The following PIDD1 variants were observed in gnomAD, a reference collection of about 807,000 sequenced individuals.
PIDD1 encodes p53-induced death domain-containing protein 1.
A neutral mutation model predicts 80.0 loss-of-function variants in PIDD1; 72 were observed. The ratio of observed to expected loss-of-function variants is 0.90; its 90% CI spans 0.74 to 1.09. PIDD1 has a LOEUF of 1.09. Among genes scored for constraint, PIDD1 ranks in the 50% least tolerant of loss-of-function variants. The probability of loss-of-function intolerance (pLI) is 0.00; values close to 1 mark genes in which losing one functional copy is unlikely to be tolerated. For missense variants in PIDD1, 1,329 were observed against 1,228.3 expected (o/e 1.08, Z -1.23); for synonymous variants, 655 against 543.5 (o/e 1.21, Z -2.85).
At position 800,873 on chromosome 11, in the gene PIDD1, G is replaced by A; in HGVS notation, c.1806C>T (p.Gly602=). Residue 602 remains glycine (G), a synonymous_variant, in exon 11 of 16, where the codon GGC becomes GGT. Coordinates refer to ENST00000347755, the MANE Select transcript of PIDD1 (RefSeq NM_145886.4). ...GCCGCTCCCAGGCCTTCCGAGCCAG[G>A]CCTCCCACACAGTTCTTGGTGGTGT... The part of the protein sequence containing the change: ...LWYTTKNCVG[G]LARKAWERLR... The A allele has an allele frequency of 6.3e-7, 1 of 1,585,936 alleles. No individual in the cohort carries two copies. The highest frequency in any genetic ancestry group is 1.7e-4 in the Middle Eastern group (1 of 6,014).
chr11:801,911 C>G, intron 7 of PIDD1, 54 bp downstream of exon 7: 3 of 1,582,578 alleles, frequency 1.9e-6, no homozygotes, highest in Non-Finnish European at 2.6e-6. Context: ...CAGAGGTGCA[C>G]GGCTCAGGGC....
upstream of PIDD1, chr11:805,475 C>T (rs1865722396): frequency 1.2e-5 from 5 of 407,352 alleles, no homozygotes; most frequent in Non-Finnish European, 1.7e-5. Flanking sequence ...CGGAGCCGTA[C>T]AGCCTCCCCC....
At chr11:806,483 C>T (rs1372167250), upstream of PIDD1, among the ~76,000 whole-genome samples, 1 of 152,208 alleles carries the variant, frequency 6.6e-6, no homozygotes, top group Non-Finnish European at 1.5e-5. Context: ...CCTTCCATTT[C>T]CCAGCTACCA....
chr11:803,203 T>C lies in PIDD1; in HGVS notation c.680A>G (p.Asn227Ser). 2 of 1,608,034 alleles carry C rather than the reference T, an allele frequency of 1.2e-6. No homozygotes were observed. The highest frequency in any genetic ancestry group is 8.5e-7 in the Non-Finnish European group (1 of 1,178,308). ...GSLLELNLASNRLQSLPASLA... is the reference protein window; with the variant it reads ...GSLLELNLASSRLQSLPASLA... ...AGAGGCTGGGAGGCTCTGCAGCCGG[T>C]TGGAGGCCAGGTTGAGCTCCAGGAG... The change falls in exon 3 of 16, where the codon AAC (asparagine) becomes AGC (serine). Residue 227 changes from asparagine to serine, a missense_variant. Asn to Ser is a conservative substitution (Grantham distance 46). Coordinates refer to ENST00000347755, the MANE Select transcript of PIDD1 (RefSeq NM_145886.4).
At position 801,494 on chromosome 11, in the gene PIDD1, A is replaced by T. The variant is rs767555549; in HGVS notation, c.1433T>A (p.Val478Asp). The T allele has an allele frequency of 1.3e-6, 2 of 1,549,436 alleles. No homozygotes were observed. Among genetic ancestry groups the T allele is most frequent in the Non-Finnish European group, 1.7e-6 (2 of 1,145,662 alleles). ...LCSSGHPGVK[V>D]IFPPGATEEP... ...CTCAGTGGCCCCAGGGGGGAAGATG[A>T]CTTTGACCCCAGGATGACCCGAGGA... Residue 478 changes from valine to aspartate, a missense_variant, in exon 8 of 16, where the codon GTC (valine) becomes GAC (aspartate). Transcript: ENST00000347755.
chr11:803,877 C>A, intron 2 of PIDD1: 1 of 643,274 alleles, frequency 1.6e-6, no homozygotes, highest in Non-Finnish European at 2.7e-6. Context: ...GCGTCAGGGT[C>A]CAGGAGCCAG....
chr11:803,256 T>C lies in PIDD1; in HGVS notation c.627A>G (p.Leu209=), dbSNP rs1462871482. The C allele has an allele frequency of 5.6e-6, 9 of 1,612,900 alleles. No homozygotes were observed. Among genetic ancestry groups the C allele is most frequent in the Non-Finnish European group, 7.6e-6 (9 of 1,179,916 alleles). The change falls in exon 3 of 16, where the codon CTA becomes CTG. Residue 209 remains leucine (L), a synonymous_variant. Coordinates refer to ENST00000347755, the MANE Select transcript of PIDD1 (RefSeq NM_145886.4). The stretch of plus-strand genomic sequence containing the variant: ...TGCCCAGGCCTCCAATCTCAGGAGG[T>C]AGCGTGTCCAGCAGATTCTGAGAGA... ...LDLSQNLLDT[L]PPEIGGLGSL...
At chr11:799,665 G>A (rs1865066146) in intron 15 of PIDD1, 100 bp from the exon 16 acceptor site, 1 of 1,416,858 alleles carries the variant, frequency 7.1e-7, no homozygotes, top group South Asian at 1.4e-5. Context: ...GGCTCCTGGG[G>A]CCAGGTGCGG....
chr11:809,108 G>C (rs776771719), upstream of PIDD1, among the ~76,000 whole-genome samples: 7 of 152,068 alleles, frequency 4.6e-5, no homozygotes, highest in Non-Finnish European at 1.0e-4. Flanking sequence ...CCTCGCACAA[G>C]AACTCAAGTC....
chr11:800,311 C>T, intron 13 of PIDD1, 22 bp downstream of exon 13: 4 of 1,612,740 alleles, frequency 2.5e-6, no homozygotes, highest in Non-Finnish European at 2.5e-6. Context: ...GGCCTCTCCC[C>T]TCACCCACTC....
rs939933402 is a variant in PIDD1, at chr11:802,563, G to C, written c.954C>G (p.Phe318Leu). The change falls in exon 5 of 16, where the codon TTC becomes TTG. Residue 318 changes from phenylalanine (F) to leucine (L), a missense_variant. By Grantham distance (22) the Phe-to-Leu change is conservative. Coordinates refer to ENST00000347755, the MANE Select transcript of PIDD1 (RefSeq NM_145886.4). ...CATACCTGTCCAAATCTGAGGTCAG[G>C]AACAGTCTGGGCATTTCTGGAATGA... is the stretch of plus-strand genomic sequence containing the variant. ...AALIPEMPRL[F>L]LTSDLDSFPV... The C allele has an allele frequency of 2.5e-6, 4 of 1,613,378 alleles. No homozygotes were observed. The South Asian group carries it at 4.4e-5, about 18-fold the overall frequency.
In PIDD1 at chr11:803,114, C is replaced by A. The variant is rs547819722; in HGVS notation, c.709+60G>T. On this transcript the variant is annotated intron_variant, in intron 3 of 15. Transcript: ENST00000347755. ...TGGGTGCAGAGGCCCCTGCAGAAGACAGGCAGGCTTCAGGGACCCTCCCGT... is the reference window on the plus strand; with the variant it reads ...TGGGTGCAGAGGCCCCTGCAGAAGAAAGGCAGGCTTCAGGGACCCTCCCGT... The A allele has an allele frequency of 3.3e-5, 42 of 1,277,552 alleles. No homozygotes were observed. The Admixed American group carries it at 7.9e-4, about 24-fold the overall frequency. The allele number at this position is 1,277,552 out of a possible 1,614,324, so 79.1% of individuals were successfully genotyped here. A position where few individuals can be genotyped will look rare whatever the true frequency, so the allele number is the denominator to read the frequency against.
intron 15 of PIDD1, 63 bp from the exon 16 acceptor site, chr11:799,628 T>C: frequency 6.6e-7 from 1 of 1,512,900 alleles, no homozygotes. Context: ...CCCACCACAC[T>C]CTGCCTCGGA....
chr11:799,777 C>T, intron 15 of PIDD1, 38 bp downstream of exon 15: 2 of 1,494,686 alleles, frequency 1.3e-6, no homozygotes, highest in Non-Finnish European at 1.8e-6. Flanking sequence ...CAGGGCTCAG[C>T]CCTGGGGCTG....
rs369066278 is a variant in PIDD1, at chr11:801,501, C to T, written c.1426G>A (p.Val476Ile). 1.3e-6 allele frequency: 2 copies of T among 1,551,584 alleles called. No individual in the cohort carries two copies. Among genetic ancestry groups the T allele is most frequent in the East Asian group, 2.4e-5 (1 of 42,486 alleles). Residue 476 changes from valine (V) to isoleucine (I), a missense_variant, in exon 8 of 16, where the codon GTC (valine) becomes ATC (isoleucine). Physicochemically the swap from Val to Ile is conservative, Grantham distance 29. Transcript: ENST00000347755. ...TLLCSSGHPG[V>I]KVIFPPGATE... ...GCCCCAGGGGGGAAGATGACTTTGACCCCAGGATGACCCGAGGAGCACAGC... is the reference window on the plus strand; with the variant it reads ...GCCCCAGGGGGGAAGATGACTTTGATCCCAGGATGACCCGAGGAGCACAGC...
At chr11:809,160 G>A (rs911653718), upstream of PIDD1, among the ~76,000 whole-genome samples, 4 of 152,236 alleles carry the variant, frequency 2.6e-5, no homozygotes, top group Non-Finnish European at 5.9e-5. Flanking sequence ...CAGGACCCGA[G>A]AATGTAGCGG....
chr11:808,192 G>A (rs940095829), upstream of PIDD1, among the ~76,000 whole-genome samples: 8 of 150,712 alleles, frequency 5.3e-5, no homozygotes, highest in Admixed American at 2.6e-4. Flanking sequence ...TTTGGGAGGC[G>A]GAAGTGGGAA....
Position 801,518 on chromosome 11 carries a change from G to A in PIDD1, c.1409C>T (p.Ser470Phe), listed in dbSNP as rs146442583. Reference protein sequence around the residue: ...LVPPEGTLLCSSGHPGVKVIF... With the variant: ...LVPPEGTLLCFSGHPGVKVIF... ...GACTTTGACCCCAGGATGACCCGAG[G>A]AGCACAGCAGTGTCCCCTCCGGTGG... The change falls in exon 8 of 16, where the codon TCC (serine) becomes TTC (phenylalanine). Residue 470 changes from serine to phenylalanine, a missense_variant. Coordinates refer to ENST00000347755, the MANE Select transcript of PIDD1 (RefSeq NM_145886.4). The A allele has an allele frequency of 2.2e-5, 35 of 1,560,564 alleles. No homozygotes were observed. The highest frequency in any genetic ancestry group is 3.0e-5 in the Non-Finnish European group (35 of 1,152,120).
In PIDD1 at chr11:799,248, G is replaced by A; in HGVS notation, c.*59C>T. 4.7e-6 allele frequency: 7 copies of A among 1,483,894 alleles called. No homozygotes were observed. The highest frequency in any genetic ancestry group is 4.5e-6 in the Non-Finnish European group (5 of 1,110,886). 91.9% of individuals were successfully genotyped at this position (1,483,894 alleles called of 1,614,324 possible). On this transcript the variant is annotated 3_prime_UTR_variant, in exon 16 of 16. Transcript: ENST00000347755. ...TCCCCACACACTGGAGAGACTTGAA[G>A]GTGGGGGCTCTGCCCATCCACTGGG... is the stretch of plus-strand genomic sequence containing the variant.
Sources: allele counts gnomAD v4.1 joint callset (sites outside exome capture counted in the v4.1 genomes callset), GRCh38; gene constraint gnomAD v4.1.1; transcripts MANE v1.5; gene names NCBI Gene and HGNC (gene_info 2026-07-23, HGNC 2026-07-21).